The following MYO18A variants were observed in gnomAD, a reference collection of about 807,000 sequenced individuals.
The protein encoded by MYO18A is unconventional myosin-XVIIIa.
MYO18A carries 78 observed loss-of-function variants against 235.8 expected under a neutral mutation model. That is an observed-to-expected ratio of 0.33 (90% confidence interval 0.28 to 0.40). MYO18A has a LOEUF of 0.40. Ranked by LOEUF, MYO18A falls within the 10% of genes least tolerant of loss-of-function variation. The pLI, the probability that MYO18A is intolerant of heterozygous loss-of-function variation, is 1.00. For synonymous variants in MYO18A, 977 were observed against 1,077.8 expected (o/e 0.91, Z 1.83); for missense variants, 2,215 against 2,699.3 (o/e 0.82, Z 3.98).
chr17:29,147,030 A>G (rs1338318330), intron 2 of MYO18A, among the ~76,000 whole-genome samples: 1 of 152,324 alleles, frequency 6.6e-6, no homozygotes, highest in East Asian at 1.9e-4. Context: ...GAATTGTGGA[A>G]TGGGGAAACG....
At chr17:29,172,466 A>T (rs1387015703) in intron 1 of MYO18A, among the ~76,000 whole-genome samples, 1 of 151,958 alleles carries the variant, frequency 6.6e-6, no homozygotes, top group Non-Finnish European at 1.5e-5. Flanking sequence ...CTCTGTCTAA[A>T]AAAAAAAAAA....
At chr17:29,175,660 G>A (rs192877064) in intron 1 of MYO18A, among the ~76,000 whole-genome samples, 3 of 151,370 alleles carry the variant, frequency 2.0e-5, no homozygotes, top group African/African-American at 7.3e-5. Flanking sequence ...CACTGTGTCC[G>A]GCCTACTACA....
chr17:29,166,372 C>T lies in MYO18A; in HGVS notation c.569G>A (p.Arg190Gln). The T allele has an allele frequency of 1.2e-6, 2 of 1,613,410 alleles. No homozygotes were observed. The highest frequency in any genetic ancestry group is 1.7e-6 in the Non-Finnish European group (2 of 1,179,884). Reference protein sequence around the residue: ...PGPGIPRPGHRSRAPELVTKK... With the variant: ...PGPGIPRPGHQSRAPELVTKK... ...AGTCACTAGCTCAGGGGCTCGGGAT[C>T]GGTGCCCTGGTCGAGGGATGCCTGG... Residue 190 changes from arginine to glutamine, a missense_variant, in exon 2 of 42, where the codon CGA (arginine) becomes CAA (glutamine). Transcript: ENST00000527372.
At chr17:29,173,672 C>T (rs1036571420) in intron 1 of MYO18A, among the ~76,000 whole-genome samples, 11 of 152,230 alleles carry the variant, frequency 7.2e-5, no homozygotes, top group Non-Finnish European at 1.5e-4. Flanking sequence ...AGGCGTGAGC[C>T]ACCGCACCCG....
intron 2 of MYO18A, among the ~76,000 whole-genome samples, chr17:29,132,225 A>G (rs1056880365): frequency 6.6e-6 from 1 of 152,216 alleles, no homozygotes; most frequent in African/African-American, 2.4e-5. Flanking sequence ...AGTCGTGGAA[A>G]CAGCAGATAC....
intron 2 of MYO18A, chr17:29,133,984 G>T (rs1352606834): frequency 7.0e-6 from 4 of 571,296 alleles, no homozygotes; most frequent in African/African-American, 4.0e-5. Context: ...GAGGAGGAAG[G>T]ATTACAAAAC....
chr17:29,140,469 C>G lies in MYO18A; in HGVS notation c.1000-18216G>C. The G allele has an allele frequency of 8.3e-7, 1 of 1,200,932 alleles. No homozygotes were observed. The highest frequency in any genetic ancestry group is 1.6e-5 in the African/African-American group (1 of 62,856). The allele number at this position is 1,200,932 out of a possible 1,614,324, so 74.4% of individuals were successfully genotyped here. On this transcript the variant is annotated intron_variant, in intron 2 of 41. Coordinates refer to ENST00000527372, the MANE Select transcript of MYO18A (RefSeq NM_078471.4). This position sits in a 1 kb window ranked among gnomAD's most constrained non-coding sequence, Gnocchi z 4.2. ...TTCCCGCCCTCTCCCCGGCCCCTCC[C>G]GTCCCGAGCTGCCCAGCCCTAGTTG...
At chr17:29,155,706 G>A (rs1567637711) in intron 2 of MYO18A, among the ~76,000 whole-genome samples, 1 of 152,194 alleles carries the variant, frequency 6.6e-6, no homozygotes, top group Non-Finnish European at 1.5e-5. Context: ...AGAGAACCTG[G>A]GTCCAGAGGC....
At chr17:29,135,914 T>C (rs1218905666) in intron 2 of MYO18A, among the ~76,000 whole-genome samples, 1 of 152,234 alleles carries the variant, frequency 6.6e-6, no homozygotes, top group Non-Finnish European at 1.5e-5. Flanking sequence ...TGTTTCTCAA[T>C]GCATGCCCAT....
intron 2 of MYO18A, among the ~76,000 whole-genome samples, chr17:29,163,355 T>A (rs376510908): frequency 5.3e-5 from 8 of 152,310 alleles, no homozygotes; most frequent in African/African-American, 1.7e-4. Flanking sequence ...CTGCTTGTGG[T>A]ATGAGTCCCC....
rs2067293068 is a variant in MYO18A, at chr17:29,125,239, C to T, written c.1000-2986G>A. 6.6e-6 allele frequency among the ~76,000 whole-genome samples: 1 copy of T among 152,170 alleles called. No individual in the cohort carries two copies. Among genetic ancestry groups the T allele is most frequent in the African/African-American group, 2.4e-5 (1 of 41,444 alleles). ...AAGGGCTGTGTTCAGAGCTGTCGCCCTGCACCTCTCATAGAACACAGCTCC... is the reference window on the plus strand; with the variant it reads ...AAGGGCTGTGTTCAGAGCTGTCGCCTTGCACCTCTCATAGAACACAGCTCC... On this transcript the variant is annotated intron_variant, in intron 2 of 41. Transcript: ENST00000527372. This position sits in a 1 kb window ranked among gnomAD's most constrained non-coding sequence, Gnocchi z 5.1.
intron 21 of MYO18A, among the ~76,000 whole-genome samples, chr17:29,102,165 C>G (rs773814145): frequency 6.6e-6 from 1 of 152,210 alleles, no homozygotes; most frequent in Non-Finnish European, 1.5e-5. Flanking sequence ...CTGCCTCAGC[C>G]GGGCACCTGG....
chr17:29,161,673 C>T (rs1266766006), intron 2 of MYO18A, among the ~76,000 whole-genome samples: 1 of 152,184 alleles, frequency 6.6e-6, no homozygotes, highest in East Asian at 1.9e-4. Flanking sequence ...ATGCCTCGTC[C>T]TAAGGGACTC....
chr17:29,093,181 C>A lies in MYO18A; in HGVS notation c.4926+142G>T, dbSNP rs2066440572. 2.8e-6 allele frequency: 3 copies of A among 1,076,850 alleles called. No individual in the cohort carries two copies. In the South Asian group the frequency reaches 4.5e-5, roughly 16 times the overall value. The allele number at this position is 1,076,850 out of a possible 1,614,324, so 66.7% of individuals were successfully genotyped here. ...TGCCAATGTATGGTGATGCCCCCAT[C>A]CCACAAGGGATGACGATGGGCTCTT... On this transcript the variant is annotated intron_variant, in intron 32 of 41. Transcript: ENST00000527372.
Position 29,120,290 on chromosome 17 carries a change from T to G in MYO18A, c.1728+326A>C, listed in dbSNP as rs1189148259. Among the ~76,000 whole-genome samples the G allele has an allele frequency of 6.6e-6, 1 of 152,166 alleles. No homozygotes were observed. The highest frequency in any genetic ancestry group is 1.5e-5 in the Non-Finnish European group (1 of 68,016). ...ACTGACAAGCCAGTCCTCTGCTAGG[T>G]GAAATCGGCCCGAGAGAAGCCCCGA... On this transcript the variant is annotated intron_variant, in intron 7 of 41. Coordinates refer to ENST00000527372, the MANE Select transcript of MYO18A (RefSeq NM_078471.4). This position sits in a 1 kb window ranked among gnomAD's most constrained non-coding sequence, Gnocchi z 4.2.
In MYO18A at chr17:29,166,000, C is replaced by T. The variant is rs368968661; in HGVS notation, c.941G>A (p.Ser314Asn). 1 of 1,613,614 alleles carries T rather than the reference C, an allele frequency of 6.2e-7. No homozygotes were observed. Among genetic ancestry groups the T allele is most frequent in the African/African-American group, 1.3e-5 (1 of 75,068 alleles). ...RLKVQPIPEL[S>N]ELSRSWLRSG... is the part of the protein sequence containing the mutation. ...CCGCAGCCAGCTCCTGCTGAGCTCG[C>T]TGAGCTCTGGAATGGGCTGCACCTT... is the stretch of plus-strand genomic sequence containing the variant. The change falls in exon 2 of 42, where the codon AGC (serine) becomes AAC (asparagine). Residue 314 changes from serine to asparagine, a missense_variant. Physicochemically the swap from Ser to Asn is conservative, Grantham distance 46 (BLOSUM62 1). Coordinates refer to ENST00000527372, the MANE Select transcript of MYO18A (RefSeq NM_078471.4).
intron 1 of MYO18A, among the ~76,000 whole-genome samples, chr17:29,179,932 A>C (rs941442058): frequency 7.9e-5 from 12 of 152,040 alleles, no homozygotes; most frequent in Admixed American, 5.9e-4. Flanking sequence ...GGACGGGGGC[A>C]GGAGAAGTCC....
intron 41 of MYO18A, chr17:29,080,464 C>G: frequency 5.1e-6 from 5 of 986,148 alleles, no homozygotes; most frequent in Non-Finnish European, 6.0e-6. Context: ...CTCTAGGCAG[C>G]TCCGGCCCAG....
intron 1 of MYO18A, among the ~76,000 whole-genome samples, chr17:29,170,503 C>T (rs1192047877): frequency 1.3e-5 from 2 of 152,168 alleles, no homozygotes; most frequent in South Asian, 2.1e-4. Flanking sequence ...GATACCACTA[C>T]CTTCCTACCC....
Sources: gnomAD v4.1 joint callset for allele counts (sites outside exome capture counted in the v4.1 genomes callset) on GRCh38, gnomAD v4.1.1 for gene constraint, Gnocchi (gnomAD v3.1) non-coding constraint, MANE v1.5 for transcripts, NCBI Gene and HGNC (gene_info 2026-07-23, HGNC 2026-07-21) for gene names.